The following SPATA13 variants were observed in gnomAD, a reference collection of about 807,000 sequenced individuals.
SPATA13 encodes spermatogenesis associated 13, also known as spermatogenesis-associated protein 13.
Under a neutral mutation model 104.0 loss-of-function variants are expected in SPATA13, and 50 were observed. The observed-to-expected ratio is 0.48, with a 90% CI of 0.38 to 0.61. The LOEUF (loss-of-function observed/expected upper bound fraction) is 0.61, where lower values mean the gene tolerates loss of function less well. Among genes scored for constraint, SPATA13 ranks in the 20% least tolerant of loss-of-function variants. The probability of loss-of-function intolerance (pLI) is 0.00; values close to 1 mark genes in which losing one functional copy is unlikely to be tolerated. For synonymous variants in SPATA13, 606 were observed against 667.5 expected, an observed-to-expected ratio of 0.91 and a Z score of 1.42; for missense variants, 1,524 against 1,690.6, an observed-to-expected ratio of 0.90 and a Z score of 1.73.
intron 3 of SPATA13, among the ~76,000 whole-genome samples, chr13:24,109,754 C>T (rs1460526648): frequency 6.6e-6 from 1 of 152,030 alleles, no homozygotes; most frequent in East Asian, 1.9e-4. Flanking sequence ...GACTGTAATT[C>T]CCTTAACCAG....
chr13:24,267,074 C>T (rs1281590177), intron 4 of SPATA13, among the ~76,000 whole-genome samples: 2 of 152,164 alleles, frequency 1.3e-5, no homozygotes. Flanking sequence ...GTCCTATCTC[C>T]TTGTTCTATC....
chr13:24,157,568 G>A (rs1297616159), upstream of SPATA13, among the ~76,000 whole-genome samples: 5 of 152,184 alleles, frequency 3.3e-5, no homozygotes, highest in Non-Finnish European at 5.9e-5. Context: ...CCAAAGTGCT[G>A]GGATTACAGG....
intron 4 of SPATA13, chr13:24,270,744 A>G (rs1326274480): frequency 6.4e-7 from 1 of 1,571,294 alleles, no homozygotes; most frequent in Admixed American, 1.9e-5. Context: ...TGAATAAGCG[A>G]TTTCTGCAGT....
chr13:24,278,530 A>T, intron 4 of SPATA13: 1 of 909,788 alleles, frequency 1.1e-6, no homozygotes, highest in Non-Finnish European at 1.5e-6. Flanking sequence ...CTCCTGCCTC[A>T]GTCTTCCAAA....
intron 4 of SPATA13, among the ~76,000 whole-genome samples, chr13:24,271,985 C>G (rs1566183389): frequency 2.0e-5 from 3 of 152,190 alleles, no homozygotes; most frequent in Admixed American, 1.3e-4. Flanking sequence ...AAAAAAGTTG[C>G]CTGGCGATTT....
Position 24,006,195 on chromosome 13 carries a change from T to G in SPATA13, c.-146-11472T>G, listed in dbSNP as rs368961988. 3.9e-5 allele frequency among the ~76,000 whole-genome samples: 6 copies of G among 152,300 alleles called. No homozygotes were observed. The East Asian group carries it at 1.2e-3, about 29-fold the overall frequency. On this transcript the variant is annotated intron_variant, in intron 2 of 14. Transcript: ENST00000424834. ...AGCATATCCGGGAGGGTATAGAGGG[T>G]AAGTCTAAATGTCAGTGTTCATTAG...
intron 3 of SPATA13, among the ~76,000 whole-genome samples, chr13:24,054,985 C>G (rs752253291): frequency 7.9e-5 from 12 of 152,170 alleles, no homozygotes; most frequent in Non-Finnish European, 1.8e-4. Flanking sequence ...ATTTTACACT[C>G]ATAATTCAAT....
At chr13:24,234,565 A>G (rs975386951) in intron 2 of SPATA13, among the ~76,000 whole-genome samples, 1 of 152,244 alleles carries the variant, frequency 6.6e-6, no homozygotes, top group Admixed American at 6.5e-5. Flanking sequence ...GGAATGCCGT[A>G]CGTTTTGTTG....
At position 24,297,636 on chromosome 13, in the gene SPATA13, G is replaced by A. The variant is rs1242670318; in HGVS notation, c.3484G>A (p.Glu1162Lys). 4.3e-6 allele frequency: 7 copies of A among 1,614,232 alleles called. No homozygotes were observed. Among genetic ancestry groups the A allele is most frequent in the African/African-American group, 2.7e-5 (2 of 75,052 alleles). The change falls in exon 11 of 13, where the codon GAG (glutamate) becomes AAG (lysine). Residue 1162 changes from glutamate to lysine, a missense_variant. Physicochemically the swap from Glu to Lys is moderately conservative, Grantham distance 56. Coordinates refer to ENST00000382108, the MANE Select transcript of SPATA13 (RefSeq NM_001166271.3). ...CAAGCTCGTCAGTAGGACCACAGACGAGGTTTATTTGTTTTGTGCCAAAAA... is the reference window on the plus strand; with the variant it reads ...CAAGCTCGTCAGTAGGACCACAGACAAGGTTTATTTGTTTTGTGCCAAAAA... ...AFKLVSRTTD[E>K]VYLFCAKKQE...
At chr13:24,179,668 A>G (rs1868677725) in intron 1 of SPATA13, among the ~76,000 whole-genome samples, 1 of 152,168 alleles carries the variant, frequency 6.6e-6, no homozygotes, top group Admixed American at 6.5e-5. Flanking sequence ...TGTCACCAAC[A>G]CTTTTTCCCA....
intron 2 of SPATA13, among the ~76,000 whole-genome samples, chr13:23,988,711 G>C (rs1306910915): frequency 6.6e-6 from 1 of 152,130 alleles, no homozygotes; most frequent in Non-Finnish European, 1.5e-5. Flanking sequence ...TCTCAGTGTG[G>C]TTTTAGTTTA....
intron 3 of SPATA13, among the ~76,000 whole-genome samples, chr13:24,047,169 A>G (rs1878181393): frequency 6.6e-6 from 1 of 152,190 alleles, no homozygotes; most frequent in African/African-American, 2.4e-5. Flanking sequence ...AGGTGCAGTC[A>G]TTCATTTGCC....
intron 2 of SPATA13, among the ~76,000 whole-genome samples, chr13:24,231,622 G>A (rs1173149260): frequency 6.6e-6 from 1 of 152,160 alleles, no homozygotes; most frequent in Non-Finnish European, 1.5e-5. Flanking sequence ...GATACCTAGG[G>A]GTGGAATTGC....
intron 3 of SPATA13, among the ~76,000 whole-genome samples, chr13:24,129,053 A>G (rs1358897350): frequency 6.6e-6 from 1 of 152,234 alleles, no homozygotes; most frequent in Non-Finnish European, 1.5e-5. Flanking sequence ...GTGGCACCGC[A>G]CCATCTGTTT....
intron 1 of SPATA13, among the ~76,000 whole-genome samples, chr13:24,163,704 G>T (rs1380619816): frequency 6.6e-6 from 1 of 152,148 alleles, no homozygotes; most frequent in Non-Finnish European, 1.5e-5. Context: ...TGAGGAAACC[G>T]TGGTCCAGGG....
At chr13:24,038,490 C>A (rs1306697095) in intron 3 of SPATA13, among the ~76,000 whole-genome samples, 2 of 152,186 alleles carry the variant, frequency 1.3e-5, no homozygotes, top group Non-Finnish European at 2.9e-5. Flanking sequence ...CAGGACAAAT[C>A]ACTGCAGCAC....
intron 1 of SPATA13, among the ~76,000 whole-genome samples, chr13:24,219,003 C>CAAAAA (rs35494448): frequency 9.0e-6 from 1 of 110,520 alleles, no homozygotes; most frequent in Non-Finnish European, 1.9e-5. Context: ...TCATTATCAC[C>CAAAAA]AAAAAAAAAA....
At chr13:24,190,154 T>TATC (rs199963629) in intron 1 of SPATA13, among the ~76,000 whole-genome samples, 14 of 570 alleles carry the variant, frequency 0.025, 6 homozygotes, top group Admixed American at 0.33. Context: ...TTATATAACA[T>TATC]ATATATAATA....
intron 3 of SPATA13, among the ~76,000 whole-genome samples, chr13:24,062,370 T>G (rs377345003): frequency 6.6e-6 from 1 of 152,152 alleles, no homozygotes; most frequent in Non-Finnish European, 1.5e-5. Flanking sequence ...AGGGACTGAC[T>G]GGGGGCTGAT....
Sources: gnomAD v4.1 joint callset for allele counts (sites outside exome capture counted in the v4.1 genomes callset) on GRCh38, gnomAD v4.1.1 for gene constraint, MANE v1.5 for transcripts, NCBI Gene and HGNC (gene_info 2026-07-23, HGNC 2026-07-21) for gene names.